ENTHD1: variants seen among roughly 807,000 people sequenced by gnomAD.
ENTHD1 encodes ENTH domain containing 1.
Under a neutral mutation model 39.1 loss-of-function variants are expected in ENTHD1, and 23 were observed. That is an observed-to-expected ratio of 0.59 (90% CI 0.42 to 0.83). ENTHD1 has a LOEUF of 0.83. ENTHD1 is among the 40% of genes least tolerant of loss of function. The pLI, the probability that ENTHD1 is intolerant of heterozygous loss-of-function variation, is 0.00. For synonymous variants in ENTHD1, 230 were observed against 258.2 expected (o/e 0.89, Z 1.05); for missense variants, 624 against 705.4 (o/e 0.88, Z 1.31).
intron 1 of ENTHD1, 128 bp from the exon 2 acceptor site, chr22:39,888,031 A>G (rs767933925): frequency 2.9e-5 from 9 of 309,032 alleles, no homozygotes; most frequent in African/African-American, 8.6e-5. Flanking sequence ...AATTGAGGGT[A>G]CCATATAACT....
Position 39,836,966 on chromosome 22 carries a change from A to C in ENTHD1, c.593-1008T>G, listed in dbSNP as rs552924972. On this transcript the variant is annotated intron_variant, in intron 3 of 6. Coordinates refer to ENST00000325157, the MANE Select transcript of ENTHD1 (RefSeq NM_152512.4). ...ACCAATTAAACCTCTTTTCTTTATC[A>C]ATTACCCAGTCTCAGGTAGTCCTTT... Among the ~76,000 whole-genome samples the C allele has an allele frequency of 2.6e-5, 4 of 152,288 alleles. No homozygotes were observed. The East Asian group carries it at 7.7e-4, about 29-fold the overall frequency.
At chr22:39,834,399 A>G (rs1258708528) in intron 4 of ENTHD1, among the ~76,000 whole-genome samples, 1 of 152,236 alleles carries the variant, frequency 6.6e-6, no homozygotes, top group East Asian at 1.9e-4. Flanking sequence ...CAACATCATT[A>G]GCCATTTGGA....
At chr22:39,854,208 C>T (rs1171284375) in intron 3 of ENTHD1, among the ~76,000 whole-genome samples, 1 of 152,290 alleles carries the variant, frequency 6.6e-6, no homozygotes, top group African/African-American at 2.4e-5. Flanking sequence ...TCCACACAGA[C>T]AGGGACCTCA....
chr22:39,775,187 C>A (rs2065357271), intron 5 of ENTHD1, among the ~76,000 whole-genome samples: 1 of 152,156 alleles, frequency 6.6e-6, no homozygotes, highest in South Asian at 2.1e-4. Context: ...TTTATAAGCT[C>A]TGGAAATACA....
intron 6 of ENTHD1, among the ~76,000 whole-genome samples, chr22:39,759,461 A>G (rs929671494): frequency 6.6e-6 from 1 of 152,032 alleles, no homozygotes; most frequent in Non-Finnish European, 1.5e-5. Context: ...TTAGTTATAT[A>G]CTATCTTTAA....
At position 39,836,056 on chromosome 22, in the gene ENTHD1, C is replaced by CT; in HGVS notation, c.593-99dup. The CT allele has an allele frequency of 5.1e-6, 4 of 780,814 alleles. No individual in the cohort carries two copies. In the South Asian group the frequency reaches 7.6e-5, roughly 15 times the overall value. 48.4% of individuals were successfully genotyped at this position (780,814 alleles called of 1,614,324 possible). A position where few individuals can be genotyped will look rare whatever the true frequency, so the allele number is the denominator to read the frequency against. Reference sequence around the variant, plus strand: ...GTAAGTTAATCACTTCTGAAGATACCTTTTTTTCCTGCTAAATATAAACCA... The same window carrying CT: ...GTAAGTTAATCACTTCTGAAGATACCTTTTTTTTCCTGCTAAATATAAACCA... On this transcript the variant is annotated intron_variant, in intron 3 of 6. Transcript: ENST00000325157.
chr22:39,873,199 TG>T (rs2066258437), intron 2 of ENTHD1, among the ~76,000 whole-genome samples: 1 of 152,132 alleles, frequency 6.6e-6, no homozygotes, highest in African/African-American at 2.4e-5. Flanking sequence ...GAAATGTATG[TG>T]TGTATGTGTA....
chr22:39,842,802 C>G (rs2065955442), intron 3 of ENTHD1, among the ~76,000 whole-genome samples: 1 of 148,240 alleles, frequency 6.7e-6, no homozygotes, highest in Non-Finnish European at 1.5e-5. Flanking sequence ...GGGCAAAGGA[C>G]ATGAACAGAC....
chr22:39,773,921 T>G (rs6001679), intron 5 of ENTHD1, among the ~76,000 whole-genome samples: 35,393 of 151,950 alleles, frequency 0.23, 4,481 homozygotes, highest in African/African-American at 0.31. Context: ...ACACAAAAAT[T>G]TCCAAGTAAA....
chr22:39,890,215 G>A (rs1601674743), intron 1 of ENTHD1, among the ~76,000 whole-genome samples: 2 of 151,934 alleles, frequency 1.3e-5, no homozygotes, highest in South Asian at 4.2e-4. Flanking sequence ...ATTAACCCTA[G>A]GAAGAAAAAG....
chr22:39,885,154 A>G (rs1223578141), intron 2 of ENTHD1, among the ~76,000 whole-genome samples: 1 of 152,212 alleles, frequency 6.6e-6, no homozygotes, highest in Non-Finnish European at 1.5e-5. Flanking sequence ...ATACTCAAAC[A>G]GTTGTTTTAA....
chr22:39,839,368 A>G (rs577634206), intron 3 of ENTHD1, among the ~76,000 whole-genome samples: 1 of 152,268 alleles, frequency 6.6e-6, no homozygotes, highest in South Asian at 2.1e-4. Context: ...GAAAACAACA[A>G]TGTGCACCAG....
chr22:39,817,247 C>A (rs2065740973), intron 5 of ENTHD1, among the ~76,000 whole-genome samples: 1 of 152,082 alleles, frequency 6.6e-6, no homozygotes. Context: ...CAAGAGAATC[C>A]ATTTCTAGGA....
intron 3 of ENTHD1, among the ~76,000 whole-genome samples, chr22:39,838,219 G>A (rs140638832): frequency 2.0e-5 from 3 of 152,136 alleles, no homozygotes; most frequent in Admixed American, 6.5e-5. Flanking sequence ...ATAAATTTTA[G>A]TATGAATTTT....
intron 3 of ENTHD1, among the ~76,000 whole-genome samples, chr22:39,842,231 C>T (rs1482484914): frequency 2.0e-5 from 3 of 152,120 alleles, no homozygotes; most frequent in Admixed American, 6.5e-5. Flanking sequence ...TTGCTCTTCT[C>T]GAGGAGTATC....
intron 6 of ENTHD1, among the ~76,000 whole-genome samples, chr22:39,759,417 C>A (rs1424692343): frequency 1.3e-5 from 2 of 151,930 alleles, no homozygotes; most frequent in African/African-American, 4.8e-5. Flanking sequence ...GTTCATAATA[C>A]TCTCTCATAA....
chr22:39,807,413 A>G (rs976714615), intron 5 of ENTHD1, among the ~76,000 whole-genome samples: 1 of 152,090 alleles, frequency 6.6e-6, no homozygotes, highest in Non-Finnish European at 1.5e-5. Context: ...ACTGAACAAT[A>G]AACATATGGC....
intron 2 of ENTHD1, among the ~76,000 whole-genome samples, chr22:39,866,223 G>A (rs1238791769): frequency 6.6e-6 from 1 of 152,154 alleles, no homozygotes; most frequent in East Asian, 1.9e-4. Flanking sequence ...ACAAAAAAAG[G>A]ACAAGGAAAT....
intron 5 of ENTHD1, among the ~76,000 whole-genome samples, chr22:39,819,402 GAAAA>G (rs547229617): frequency 8.7e-6 from 1 of 115,198 alleles, no homozygotes; most frequent in African/African-American, 3.2e-5. Flanking sequence ...AAGAAACAAA[GAAAA>G]AAAAAAGACA....
Sources: allele counts gnomAD v4.1 joint callset (sites outside exome capture counted in the v4.1 genomes callset), GRCh38; gene constraint gnomAD v4.1.1; transcripts MANE v1.5; gene names NCBI Gene and HGNC (gene_info 2026-07-23, HGNC 2026-07-21).